SF3A3: variants seen among roughly 807,000 people sequenced by gnomAD.
SF3A3 encodes the protein splicing factor 3a subunit 3.
In SF3A3, 9 loss-of-function variants were observed where a neutral mutation model predicts 85.8. That is an observed-to-expected ratio of 0.10 (90% CI 0.06 to 0.18). The LOEUF is 0.18. SF3A3 is among the 10% of genes least tolerant of loss of function. SF3A3 has a pLI of 1.00. For missense variants in SF3A3, 306 were observed against 593.3 expected, an observed-to-expected ratio of 0.52 and a Z score of 5.03; for synonymous variants, 195 against 204.4, an observed-to-expected ratio of 0.95 and a Z score of 0.39.
In SF3A3 at chr1:37,976,864, T is replaced by G; in HGVS notation, c.1005+20A>C. 1 of 1,470,172 alleles carries G rather than the reference T, an allele frequency of 6.8e-7. No individual in the cohort carries two copies. Among genetic ancestry groups the G allele is most frequent in the Non-Finnish European group, 9.5e-7 (1 of 1,049,734 alleles). 91.1% of individuals were successfully genotyped at this position (1,470,172 alleles called of 1,614,324 possible). A position where few individuals can be genotyped will look rare whatever the true frequency, so the allele number is the denominator to read the frequency against. ...CCTGTGCTTTATACCATTTTCCACTTTCAGCAGTCAGTCACTTACCCCGAG... is the reference window on the plus strand; with the variant it reads ...CCTGTGCTTTATACCATTTTCCACTGTCAGCAGTCAGTCACTTACCCCGAG... On this transcript the variant is annotated intron_variant, in intron 12 of 16. Transcript: ENST00000373019.
At chr1:37,985,072 T>G (rs538554119) in intron 4 of SF3A3, among the ~76,000 whole-genome samples, 4 of 152,374 alleles carry the variant, frequency 2.6e-5, no homozygotes, top group South Asian at 2.1e-4. Context: ...CCTCCCAAAG[T>G]GCTGGGATTA....
chr1:37,978,443 T>C, intron 11 of SF3A3, among the ~76,000 whole-genome samples: 1 of 150,218 alleles, frequency 6.7e-6, no homozygotes, highest in African/African-American at 2.4e-5. Flanking sequence ...TTTGAACCTA[T>C]TTAGCCTTTT....
In SF3A3 at chr1:37,968,060, A is replaced by T; in HGVS notation, c.1356T>A (p.Ile452=). ...NTAHFANVTQ[I]EDAVSLWAKL... The stretch of plus-strand genomic sequence containing the variant: ...CTTACTTACAGGAGACAGCATCTTC[A>T]ATCTGTGTCACATTAGCAAAGTGAG... Residue 452 remains isoleucine (I), a synonymous_variant, in exon 15 of 17, where the codon ATT becomes ATA. Transcript: ENST00000373019. 6.2e-7 allele frequency: 1 copy of T among 1,610,962 alleles called. No homozygotes were observed.
At position 37,979,860 on chromosome 1, in the gene SF3A3, CCAAAAAACAAAACAAAACAAAACAAAA is replaced by C. The variant is rs987059764; in HGVS notation, c.691-354_691-328del. Among the ~76,000 whole-genome samples, 20 of 134,456 alleles carry C rather than the reference CCAAAAAACAAAACAAAACAAAACAAAA, an allele frequency of 1.5e-4. No individual in the cohort carries two copies. In the South Asian group the frequency reaches 3.7e-3, roughly 25 times the overall value. 88.2% of individuals were successfully genotyped at this position (134,456 alleles called of 152,430 possible). A position where few individuals can be genotyped will look rare whatever the true frequency, so the allele number is the denominator to read the frequency against. ...AGAAGCCAGATGGAGACTTTGTCTC[CCAAAAAACAAAACAAAACAAAACAAAA>C]CAAAAAACAAAAAAACCCCACCAGG... On this transcript the variant is annotated intron_variant, in intron 8 of 16. Coordinates refer to ENST00000373019, the MANE Select transcript of SF3A3 (RefSeq NM_006802.4).
At chr1:37,981,942 G>GTTTTT in intron 6 of SF3A3, 131 bp from the exon 7 acceptor site, 1 of 499,784 alleles carries the variant, frequency 2.0e-6, no homozygotes, top group South Asian at 2.7e-5. Flanking sequence ...GGCTAATTTT[G>GTTTTT]GTTTTTTTTG....
Position 37,990,014 on chromosome 1 carries a change from G to A in SF3A3, c.-49C>T. On this transcript the variant is annotated 5_prime_UTR_variant, in exon 1 of 17. Coordinates refer to ENST00000373019, the MANE Select transcript of SF3A3 (RefSeq NM_006802.4). ...ATTCAGACCACCAACACGGCCGGAA[G>A]CAACTCCTGCCGCCCAGCGCGCCTG... 1.4e-6 allele frequency: 2 copies of A among 1,386,862 alleles called. No individual in the cohort carries two copies. Among genetic ancestry groups the A allele is most frequent in the Non-Finnish European group, 2.0e-6 (2 of 983,524 alleles). 85.9% of individuals were successfully genotyped at this position (1,386,862 alleles called of 1,614,324 possible). A position where few individuals can be genotyped will look rare whatever the true frequency, so the allele number is the denominator to read the frequency against.
At position 37,984,889 on chromosome 1, in the gene SF3A3, C is replaced by T. The variant is rs369066000; in HGVS notation, c.304-110G>A. 2.6e-4 allele frequency: 213 copies of T among 815,514 alleles called. 2 individuals carry two copies. In the East Asian group the frequency reaches 4.3e-3, roughly 17 times the overall value. 50.5% of individuals were successfully genotyped at this position (815,514 alleles called of 1,614,324 possible). The stretch of plus-strand genomic sequence containing the variant: ...CTGGCACAATCTTGGCTCACTGCAA[C>T]CTCTACCTCCCGGGTTCAAGCGATT... On this transcript the variant is annotated intron_variant, in intron 4 of 16. Coordinates refer to ENST00000373019, the MANE Select transcript of SF3A3 (RefSeq NM_006802.4).
chr1:37,979,564 T>C (rs752131133), intron 8 of SF3A3, 31 bp from the exon 9 acceptor site: 55 of 1,585,208 alleles, frequency 3.5e-5, no homozygotes, highest in Non-Finnish European at 4.7e-5. Flanking sequence ...TTTATTAAGA[T>C]CCAGGTTTAG....
chr1:37,980,105 AG>A (rs1040168115), intron 8 of SF3A3, among the ~76,000 whole-genome samples: 2 of 135,674 alleles, frequency 1.5e-5, no homozygotes, highest in African/African-American at 5.7e-5. Context: ...GGACCCTGGC[AG>A]TCTTGCTCCA....
chr1:37,981,464 G>A (rs1646418269), intron 7 of SF3A3, among the ~76,000 whole-genome samples: 2 of 152,120 alleles, frequency 1.3e-5, no homozygotes, highest in Non-Finnish European at 1.5e-5. Flanking sequence ...AAATCCCAGA[G>A]TGGGAGAGTT....
At chr1:37,978,674 A>G (rs371298650) in intron 11 of SF3A3, 46 bp downstream of exon 11, 2 of 1,251,430 alleles carry the variant, frequency 1.6e-6, no homozygotes, top group Admixed American at 2.3e-5. Context: ...CTGCATGGGA[A>G]TAACATTTAA....
At chr1:37,975,882 C>T (rs189173580) in intron 12 of SF3A3, among the ~76,000 whole-genome samples, 4 of 152,224 alleles carry the variant, frequency 2.6e-5, no homozygotes, top group East Asian at 1.9e-4. Flanking sequence ...TTGGGCTGGG[C>T]GCGGTGGCTC....
chr1:37,962,824 G>A (rs1171178774), intron 15 of SF3A3, among the ~76,000 whole-genome samples: 7 of 150,434 alleles, frequency 4.7e-5, no homozygotes, highest in Admixed American at 6.6e-5. Context: ...GGTGGCTCAC[G>A]CCTGTAATCC....
chr1:37,961,303 G>A lies in SF3A3; in HGVS notation c.1373-1128C>T, dbSNP rs79915740. On this transcript the variant is annotated intron_variant, in intron 15 of 16. Coordinates refer to ENST00000373019, the MANE Select transcript of SF3A3 (RefSeq NM_006802.4). ...TAATTGCTTTAAATGAGCTGAAGTT[G>A]GCCAGGCACAGTGGCTCATGCCTGT... 5.0e-3 allele frequency among the ~76,000 whole-genome samples: 756 copies of A among 152,248 alleles called. 5 individuals are homozygous for A. Among genetic ancestry groups the A allele is most frequent in the African/African-American group, 0.017 (711 of 41,554 alleles).
intron 4 of SF3A3, 72 bp from the exon 5 acceptor site, chr1:37,984,851 A>C (rs1020249289): frequency 3.2e-6 from 4 of 1,258,600 alleles, no homozygotes; most frequent in Non-Finnish European, 3.5e-6. Flanking sequence ...TCTGTGGCCC[A>C]GGCTGGAGTG....
At chr1:37,969,327 C>T (rs1348808005) in intron 14 of SF3A3, 27 bp downstream of exon 14, 2 of 1,533,154 alleles carry the variant, frequency 1.3e-6, no homozygotes, top group Non-Finnish European at 9.0e-7. Flanking sequence ...CTTCAATTCC[C>T]AGGAAAAATG....
At chr1:37,988,855 T>A (rs1177020223) in intron 2 of SF3A3, among the ~76,000 whole-genome samples, 15 of 146,760 alleles carry the variant, frequency 1.0e-4, no homozygotes, top group Non-Finnish European at 1.9e-4. Flanking sequence ...ATACGGGGTG[T>A]GTTGTGTGTG....
chr1:37,962,662 A>C (rs2148714944), intron 15 of SF3A3, among the ~76,000 whole-genome samples: 1 of 151,124 alleles, frequency 6.6e-6, no homozygotes, highest in African/African-American at 2.4e-5. Context: ...CTAAATGGCG[A>C]TTTCCGGTGG....
chr1:37,981,098 C>G (rs1393436635), intron 7 of SF3A3, among the ~76,000 whole-genome samples: 1 of 152,072 alleles, frequency 6.6e-6, no homozygotes, highest in Non-Finnish European at 1.5e-5. Context: ...ATCCGTCTGC[C>G]TCGGCCTCCC....
Sources: allele counts gnomAD v4.1 joint callset (sites outside exome capture counted in the v4.1 genomes callset), GRCh38; gene constraint gnomAD v4.1.1; transcripts MANE v1.5; gene names NCBI Gene and HGNC (gene_info 2026-07-23, HGNC 2026-07-21).